The following CDH12 variants were observed in gnomAD, a reference collection of about 807,000 sequenced individuals.
The protein encoded by CDH12 is cadherin 12.
A neutral mutation model predicts 74.1 loss-of-function variants in CDH12; 41 were observed. The observed-to-expected ratio is 0.55, with a 90% CI of 0.43 to 0.72. The LOEUF is 0.72. Ranked by LOEUF, CDH12 falls within the 30% of genes least tolerant of loss-of-function variation. The pLI, the probability that CDH12 is intolerant of heterozygous loss-of-function variation, is 0.00. For missense variants in CDH12, 945 were observed against 977.2 expected (o/e 0.97, Z 0.44); for synonymous variants, 399 against 355.0 (o/e 1.12, Z -1.39).
chr5:22,809,331 A>G (rs1489135752), intron 1 of CDH12, among the ~76,000 whole-genome samples: 3 of 152,022 alleles, frequency 2.0e-5, no homozygotes, highest in Admixed American at 6.6e-5. Context: ...ACTTATGAAT[A>G]TAGAATAATT....
At chr5:22,730,917 A>T (rs1329347183) in intron 1 of CDH12, among the ~76,000 whole-genome samples, 1 of 151,896 alleles carries the variant, frequency 6.6e-6, no homozygotes. Context: ...AAATTCCTTT[A>T]TGTCGCTAAT....
At position 22,157,587 on chromosome 5, in the gene CDH12, G is replaced by GAA. The variant is rs199765378; in HGVS notation, c.-187+54909_-187+54910dup. Among the ~76,000 whole-genome samples, 1,013 of 150,960 alleles carry GAA rather than the reference G, an allele frequency of 6.7e-3. 8 individuals carry two copies. Among genetic ancestry groups the GAA allele is most frequent in the African/African-American group, 0.023 (942 of 41,148 alleles). ...ATTTAGCTTACCTCTCATAAAATCT[G>GAA]AAAAAAAAATTCCCCTTCTATTTTA... On this transcript the variant is annotated intron_variant, in intron 4 of 14. Transcript: ENST00000382254.
rs554348080 is a variant in CDH12 at position 22,586,630 on chromosome 5, C to T, written c.-522-81266G>A. Among the ~76,000 whole-genome samples, 586 of 151,790 alleles carry T rather than the reference C, an allele frequency of 3.9e-3. 3 individuals carry two copies. Among genetic ancestry groups the T allele is most frequent in the African/African-American group, 0.013 (557 of 41,430 alleles). On this transcript the variant is annotated intron_variant, in intron 1 of 14. Coordinates refer to ENST00000382254, the MANE Select transcript of CDH12 (RefSeq NM_004061.5). ...ATGAATAAACATTTTGAAGCTTGCT[C>T]TGCTGAATTTTTCTCATTTTCTCCT... is the stretch of plus-strand genomic sequence containing the variant.
chr5:22,580,538 T>A (rs1740035378), intron 1 of CDH12: 1 of 471,938 alleles, frequency 2.1e-6, no homozygotes, highest in African/African-American at 2.0e-5. Context: ...GGATGGTGGC[T>A]CAGAGATGCT....
At chr5:22,224,263 A>AT (rs2150370758) in intron 3 of CDH12, among the ~76,000 whole-genome samples, 1 of 152,152 alleles carries the variant, frequency 6.6e-6, no homozygotes, top group African/African-American at 2.4e-5. Context: ...TTTTGCACAC[A>AT]TTATTTCCTT....
chr5:21,899,746 TAAC>T (rs1470906225), intron 6 of CDH12, among the ~76,000 whole-genome samples: 1 of 139,936 alleles, frequency 7.1e-6, no homozygotes, highest in East Asian at 1.9e-4. Flanking sequence ...TTATTAGTAA[TAAC>T]AATTATTAAT....
At chr5:22,165,932 AC>A (rs1437541208) in intron 4 of CDH12, among the ~76,000 whole-genome samples, 1 of 152,068 alleles carries the variant, frequency 6.6e-6, no homozygotes, top group East Asian at 1.9e-4. Context: ...TGAATAATCT[AC>A]CCCTTGTTTA....
intron 1 of CDH12, among the ~76,000 whole-genome samples, chr5:22,546,900 C>A (rs1025953942): frequency 2.6e-5 from 4 of 152,112 alleles, no homozygotes; most frequent in African/African-American, 9.7e-5. Context: ...TGATCTCAAG[C>A]AAATGCAAAA....
Position 22,669,830 on chromosome 5 carries a change from T to G in CDH12, c.-522-164466A>C, listed in dbSNP as rs183506539. Among the ~76,000 whole-genome samples the G allele has an allele frequency of 1.2e-4, 19 of 152,348 alleles. 2 individuals are homozygous for G. In the East Asian group the frequency reaches 3.5e-3, roughly 28 times the overall value. The stretch of plus-strand genomic sequence containing the variant: ...TTCAGCAACTGTGATTTCTGTTTCA[T>G]GTTATGAGCAGCTGAGCTTATTTCT... On this transcript the variant is annotated intron_variant, in intron 1 of 14. Transcript: ENST00000382254.
chr5:22,275,242 A>G (rs562966163), intron 3 of CDH12, among the ~76,000 whole-genome samples: 1 of 152,232 alleles, frequency 6.6e-6, no homozygotes, highest in African/African-American at 2.4e-5. Context: ...ATGTATACCT[A>G]TGTACCAAAC....
chr5:22,554,697 T>C (rs1036792577), intron 1 of CDH12, among the ~76,000 whole-genome samples: 14 of 152,102 alleles, frequency 9.2e-5, no homozygotes, highest in Non-Finnish European at 1.3e-4. Context: ...TATTTAACTA[T>C]GTAATGATAT....
intron 1 of CDH12, among the ~76,000 whole-genome samples, chr5:22,762,543 T>C (rs534121321): frequency 2.3e-4 from 35 of 152,176 alleles, no homozygotes; most frequent in African/African-American, 7.9e-4. Context: ...TCATCAGCTT[T>C]TTTTGGAAGA....
chr5:22,052,643 A>C (rs1415415858), intron 5 of CDH12, among the ~76,000 whole-genome samples: 1 of 152,156 alleles, frequency 6.6e-6, no homozygotes, highest in Non-Finnish European at 1.5e-5. Context: ...TAATCAACAA[A>C]TTGTATTAAA....
chr5:22,359,822 G>T (rs1428195390), intron 3 of CDH12, among the ~76,000 whole-genome samples: 1 of 152,126 alleles, frequency 6.6e-6, no homozygotes, highest in Non-Finnish European at 1.5e-5. Flanking sequence ...ACCTGCTCCT[G>T]AATGAGTACT....
In CDH12 at chr5:22,780,395, T is replaced by A. The variant is rs115159358; in HGVS notation, c.-523+72663A>T. 5.6e-3 allele frequency among the ~76,000 whole-genome samples: 855 copies of A among 152,196 alleles called. 6 individuals carry two copies. Among genetic ancestry groups the A allele is most frequent in the African/African-American group, 0.019 (806 of 41,528 alleles). ...AAGAAATACGTGAGATTGGGTAATT[T>A]ACAAAGAAAAGAAGTTTAATTGACT... On this transcript the variant is annotated intron_variant, in intron 1 of 14. Transcript: ENST00000382254.
chr5:22,844,415 C>G (rs557821916), intron 1 of CDH12, among the ~76,000 whole-genome samples: 6 of 152,134 alleles, frequency 3.9e-5, no homozygotes, highest in Non-Finnish European at 7.4e-5. Context: ...TGAAGCAGCC[C>G]TCTAAATGAA....
chr5:22,618,551 A>G (rs1056086851), intron 1 of CDH12, among the ~76,000 whole-genome samples: 1 of 152,110 alleles, frequency 6.6e-6, no homozygotes, highest in African/African-American at 2.4e-5. Flanking sequence ...AATACTGAAC[A>G]CTGAGCTCGT....
chr5:22,476,928 G>A (rs1746192524), intron 2 of CDH12, among the ~76,000 whole-genome samples: 1 of 152,128 alleles, frequency 6.6e-6, no homozygotes, highest in South Asian at 2.1e-4. Flanking sequence ...GCACACAGTG[G>A]TGGAGTTACC....
chr5:22,245,839 C>T (rs1752926046), intron 3 of CDH12, among the ~76,000 whole-genome samples: 1 of 151,940 alleles, frequency 6.6e-6, no homozygotes, highest in African/African-American at 2.4e-5. Context: ...AGCTCCACAC[C>T]AGAGAAATTG....
Sources: gnomAD v4.1 joint callset for allele counts (sites outside exome capture counted in the v4.1 genomes callset) on GRCh38, gnomAD v4.1.1 for gene constraint, MANE v1.5 for transcripts, NCBI Gene and HGNC (gene_info 2026-07-23, HGNC 2026-07-21) for gene names.